Variants in LRRC4C observed in about 807,000 individuals in gnomAD.
LRRC4C encodes leucine-rich repeat-containing protein 4C.
A neutral mutation model predicts 33.6 loss-of-function variants in LRRC4C; 5 were observed. That is an observed-to-expected ratio of 0.15 (90% CI 0.08 to 0.31). LRRC4C has a LOEUF of 0.31. Ranked by LOEUF, LRRC4C falls within the 10% of genes least tolerant of loss-of-function variation. The probability of loss-of-function intolerance (pLI) is 1.00; values close to 1 mark genes in which losing one functional copy is unlikely to be tolerated. For missense variants in LRRC4C, 560 were observed against 796.7 expected (o/e 0.70, Z 3.58); for synonymous variants, 329 against 302.0 (o/e 1.09, Z -0.93).
At chr11:41,214,726 G>T (rs1590955014) in intron 1 of LRRC4C, among the ~76,000 whole-genome samples, 2 of 147,200 alleles carry the variant, frequency 1.4e-5, no homozygotes, top group African/African-American at 5.0e-5. Context: ...CTCCAGCCTG[G>T]GCGACAGAGC....
intron 1 of LRRC4C, among the ~76,000 whole-genome samples, chr11:40,954,716 G>C (rs1958879445): frequency 6.6e-6 from 1 of 151,808 alleles, no homozygotes; most frequent in Admixed American, 6.6e-5. Context: ...AGTGATCCCA[G>C]ACCACTGGCA....
chr11:41,293,816 C>T (rs772307145), intron 1 of LRRC4C, among the ~76,000 whole-genome samples: 6 of 152,038 alleles, frequency 3.9e-5, no homozygotes, highest in Admixed American at 2.6e-4. Flanking sequence ...AGGCTTGTCT[C>T]GAACTCTTGA....
intron 2 of LRRC4C, among the ~76,000 whole-genome samples, chr11:40,813,470 T>C (rs1218828221): frequency 6.6e-6 from 1 of 152,098 alleles, no homozygotes; most frequent in African/African-American, 2.4e-5. Flanking sequence ...GATTCAATTA[T>C]CTATACCTGG....
intron 1 of LRRC4C, among the ~76,000 whole-genome samples, chr11:41,299,254 G>C (rs186352608): frequency 1.7e-4 from 26 of 152,168 alleles, no homozygotes; most frequent in Non-Finnish European, 2.8e-4. Flanking sequence ...CTTAAAAGCA[G>C]AGAAATGAGT....
chr11:41,420,489 T>C (rs2138317312), intron 1 of LRRC4C, among the ~76,000 whole-genome samples: 1 of 152,194 alleles, frequency 6.6e-6, no homozygotes, highest in South Asian at 2.1e-4. Context: ...TGGCTTTTAA[T>C]GAATGAAAGA....
chr11:40,810,831 C>A (rs1310377804), intron 2 of LRRC4C, among the ~76,000 whole-genome samples: 1 of 152,126 alleles, frequency 6.6e-6, no homozygotes, highest in Non-Finnish European at 1.5e-5. Context: ...ACTACTGGGG[C>A]CTGCTAAATG....
At chr11:40,340,644 A>G (rs964848724) in intron 3 of LRRC4C, among the ~76,000 whole-genome samples, 1 of 152,166 alleles carries the variant, frequency 6.6e-6, no homozygotes, top group Non-Finnish European at 1.5e-5. Context: ...CAATTCTACA[A>G]TATAGGAATT....
intron 1 of LRRC4C, among the ~76,000 whole-genome samples, chr11:40,934,043 T>G (rs1565217465): frequency 6.6e-6 from 1 of 152,174 alleles, no homozygotes; most frequent in Non-Finnish European, 1.5e-5. Flanking sequence ...GCATATCTGG[T>G]GCTGTTTATC....
At chr11:41,105,893 T>C (rs1341227845) in intron 1 of LRRC4C, among the ~76,000 whole-genome samples, 1 of 152,136 alleles carries the variant, frequency 6.6e-6, no homozygotes, top group Non-Finnish European at 1.5e-5. Context: ...TTTCTAAACA[T>C]GATATAACAA....
intron 2 of LRRC4C, among the ~76,000 whole-genome samples, chr11:40,784,311 C>A (rs1313550938): frequency 2.0e-5 from 3 of 152,134 alleles, no homozygotes; most frequent in Non-Finnish European, 2.9e-5. Context: ...GAGTTGAATT[C>A]TGTTATAAAA....
At chr11:41,119,875 G>A (rs1942334748) in intron 1 of LRRC4C, among the ~76,000 whole-genome samples, 2 of 152,028 alleles carry the variant, frequency 1.3e-5, no homozygotes, top group African/African-American at 4.8e-5. Context: ...ATTTTGCAAC[G>A]CTGAACTTTC....
chr11:40,130,765 G>A (rs1213242606), intron 6 of LRRC4C, among the ~76,000 whole-genome samples: 1 of 152,156 alleles, frequency 6.6e-6, no homozygotes, highest in Non-Finnish European at 1.5e-5. Flanking sequence ...ATCTCCCACT[G>A]TTCTTAATAC....
At chr11:40,470,427 A>T (rs1295081427) in intron 3 of LRRC4C, among the ~76,000 whole-genome samples, 1 of 152,222 alleles carries the variant, frequency 6.6e-6, no homozygotes, top group South Asian at 2.1e-4. Context: ...GAAGATGAGA[A>T]AAAACCAGCT....
At chr11:40,951,662 A>T (rs1958696095) in intron 1 of LRRC4C, among the ~76,000 whole-genome samples, 3 of 152,032 alleles carry the variant, frequency 2.0e-5, no homozygotes, top group Admixed American at 2.0e-4. Flanking sequence ...ACCAAGTCTT[A>T]TCATAAGGGA....
chr11:40,580,491 G>A (rs578104094), intron 3 of LRRC4C, among the ~76,000 whole-genome samples: 27 of 152,264 alleles, frequency 1.8e-4, no homozygotes, highest in African/African-American at 5.3e-4. Flanking sequence ...GGGTGGGGAT[G>A]CAGAGTCAAA....
chr11:40,173,029 C>T (rs546802939), intron 5 of LRRC4C, among the ~76,000 whole-genome samples: 1 of 152,254 alleles, frequency 6.6e-6, no homozygotes, highest in East Asian at 1.9e-4. Context: ...TGAAGCAGTA[C>T]ATCTACAAGC....
chr11:40,510,738 T>C (rs138515128), intron 3 of LRRC4C, among the ~76,000 whole-genome samples: 1 of 152,132 alleles, frequency 6.6e-6, no homozygotes. Flanking sequence ...GTTGCCTCAG[T>C]TGATATACAT....
At chr11:40,620,146 A>C in intron 3 of LRRC4C, among the ~76,000 whole-genome samples, 1 of 151,372 alleles carries the variant, frequency 6.6e-6, no homozygotes, top group Admixed American at 6.6e-5. Flanking sequence ...CTGCAGATAT[A>C]GTCTTCTAAT....
chr11:40,430,465 G>A (rs1232979781), intron 3 of LRRC4C, among the ~76,000 whole-genome samples: 1 of 152,152 alleles, frequency 6.6e-6, no homozygotes, highest in African/African-American at 2.4e-5. Context: ...AACACTAGAT[G>A]CTACAATAGG....
Sources: allele counts gnomAD v4.1 joint callset (sites outside exome capture counted in the v4.1 genomes callset), GRCh38; gene constraint gnomAD v4.1.1; transcripts MANE v1.5; gene names NCBI Gene and HGNC (gene_info 2026-07-23, HGNC 2026-07-21).